RTTN: variants seen among roughly 807,000 people sequenced by gnomAD.
RTTN encodes rotatin.
In RTTN, 182 loss-of-function variants were observed where a neutral mutation model predicts 269.2. The ratio of observed to expected loss-of-function variants is 0.68; its 90% CI spans 0.60 to 0.76. RTTN has a LOEUF of 0.76. Among genes scored for constraint, RTTN ranks in the 30% least tolerant of loss-of-function variants. RTTN has a pLI of 0.00. For synonymous variants in RTTN, 1,006 were observed against 963.5 expected (o/e 1.04, Z -0.82); for missense variants, 2,545 against 2,608.6 (o/e 0.98, Z 0.53).
intron 4 of RTTN, among the ~76,000 whole-genome samples, chr18:70,201,325 G>A (rs114316361): frequency 0.047 from 7,180 of 152,188 alleles, 233 homozygotes; most frequent in Admixed American, 0.083. Context: ...ATGTTCGGCC[G>A]GGCGCGGTGG....
intron 10 of RTTN, 135 bp from the exon 11 acceptor site, chr18:70,176,980 C>T (rs1053788824): frequency 1.6e-6 from 1 of 607,972 alleles, no homozygotes; most frequent in African/African-American, 1.9e-5. Flanking sequence ...GAATTTATTC[C>T]TGTGAGAATT....
chr18:70,008,384 C>A (rs921573757), intron 46 of RTTN: 2 of 151,990 alleles, frequency 1.3e-5, no homozygotes, highest in Non-Finnish European at 2.9e-5. Flanking sequence ...AGCAAGGGAA[C>A]AAAATTGGAT....
At chr18:70,080,839 T>C (rs1017993535) in intron 32 of RTTN, among the ~76,000 whole-genome samples, 4 of 152,004 alleles carry the variant, frequency 2.6e-5, no homozygotes, top group Non-Finnish European at 5.9e-5. Context: ...CACACACATG[T>C]TTATAGCAGC....
intron 32 of RTTN, among the ~76,000 whole-genome samples, chr18:70,085,405 A>G (rs1282815302): frequency 1.3e-5 from 2 of 152,168 alleles, no homozygotes; most frequent in Non-Finnish European, 2.9e-5. Context: ...GGGCCTTGAC[A>G]ACCACCTGGA....
rs1191165412 is a variant in RTTN, at chr18:70,166,900, T to C, written c.1802+19A>G. The C allele has an allele frequency of 1.3e-6, 2 of 1,537,944 alleles. No individual in the cohort carries two copies. Among genetic ancestry groups the C allele is most frequent in the East Asian group, 4.5e-5 (2 of 44,466 alleles). The stretch of plus-strand genomic sequence containing the variant: ...AGTGTCCAATAATAACGTAATCACA[T>C]TAAGAAAGAAAATATTACATCTTTG... On this transcript the variant is annotated intron_variant, in intron 13 of 48. Coordinates refer to ENST00000640769, the MANE Select transcript of RTTN (RefSeq NM_173630.4).
At chr18:70,040,037 A>G (rs1435469468) in intron 40 of RTTN, among the ~76,000 whole-genome samples, 1 of 105,200 alleles carries the variant, frequency 9.5e-6, no homozygotes, top group African/African-American at 2.7e-5. Flanking sequence ...TCACTAAAAG[A>G]AAGACAGAAG....
chr18:70,004,637 TA>T (rs1297846345), intron 48 of RTTN, among the ~76,000 whole-genome samples: 1 of 151,584 alleles, frequency 6.6e-6, no homozygotes, highest in African/African-American at 2.4e-5. Context: ...AATCAGACTA[TA>T]AAAACACAAA....
chr18:70,178,997 A>G (rs2061362637), intron 10 of RTTN, among the ~76,000 whole-genome samples: 1 of 152,174 alleles, frequency 6.6e-6, no homozygotes, highest in African/African-American at 2.4e-5. Context: ...TGCAAAGAAT[A>G]TAACTTCTCC....
At chr18:70,078,688 C>T (rs76834549) in intron 32 of RTTN, among the ~76,000 whole-genome samples, 1 of 151,992 alleles carries the variant, frequency 6.6e-6, no homozygotes, top group Non-Finnish European at 1.5e-5. Flanking sequence ...GTAATCACAG[C>T]CCACTAAGTG....
At chr18:70,055,536 C>T (rs2057793753) in intron 37 of RTTN, among the ~76,000 whole-genome samples, 1 of 152,026 alleles carries the variant, frequency 6.6e-6, no homozygotes, top group Non-Finnish European at 1.5e-5. Flanking sequence ...TAGGTGGCTC[C>T]AGGCTTCACA....
intron 16 of RTTN, 43 bp from the exon 17 acceptor site, chr18:70,149,080 T>C (rs201026144): frequency 1.9e-6 from 3 of 1,555,072 alleles, no homozygotes; most frequent in Non-Finnish European, 2.6e-6. Flanking sequence ...TCTAATTGTA[T>C]ACATAACTTT....
intron 40 of RTTN, among the ~76,000 whole-genome samples, chr18:70,036,226 C>A (rs1276797968): frequency 1.3e-5 from 2 of 152,152 alleles, no homozygotes. Flanking sequence ...ATCATTCTAT[C>A]ATAAAGACAC....
At chr18:70,183,937 T>C (rs2061475163) in intron 10 of RTTN, among the ~76,000 whole-genome samples, 1 of 152,138 alleles carries the variant, frequency 6.6e-6, no homozygotes, top group African/African-American at 2.4e-5. Context: ...CCAGCTAATG[T>C]TACTAATTTT....
At chr18:70,193,216 T>G in intron 8 of RTTN, 72 bp downstream of exon 8, 1 of 1,128,632 alleles carries the variant, frequency 8.9e-7, no homozygotes, top group South Asian at 1.5e-5. Context: ...AATAATTATC[T>G]CCTTCTGAAA....
At chr18:70,162,011 T>C (rs1385582780) in intron 14 of RTTN, among the ~76,000 whole-genome samples, 1 of 152,078 alleles carries the variant, frequency 6.6e-6, no homozygotes, top group Non-Finnish European at 1.5e-5. Flanking sequence ...TTACTGGGTA[T>C]AGACCCAAAA....
chr18:70,080,140 T>C (rs1185689488), intron 32 of RTTN, among the ~76,000 whole-genome samples: 1 of 151,980 alleles, frequency 6.6e-6, no homozygotes, highest in East Asian at 1.9e-4. Flanking sequence ...ATAATACATA[T>C]TAATCATATC....
intron 28 of RTTN, among the ~76,000 whole-genome samples, chr18:70,101,244 C>T (rs571861352): frequency 6.6e-6 from 1 of 152,276 alleles, no homozygotes; most frequent in African/African-American, 2.4e-5. Context: ...ATTATTGCCT[C>T]AATTTCAGAG....
intron 40 of RTTN, among the ~76,000 whole-genome samples, chr18:70,037,762 T>C (rs2057218974): frequency 6.6e-6 from 1 of 152,182 alleles, no homozygotes; most frequent in Non-Finnish European, 1.5e-5. Flanking sequence ...GTCTTGCATC[T>C]TAGGTATCAG....
intron 5 of RTTN, 130 bp downstream of exon 5, chr18:70,199,284 C>G: frequency 2.1e-6 from 1 of 469,082 alleles, no homozygotes. Context: ...AAATAAAAAT[C>G]ATTTAAATAT....
Sources: gnomAD v4.1 joint callset for allele counts (sites outside exome capture counted in the v4.1 genomes callset) on GRCh38, gnomAD v4.1.1 for gene constraint, MANE v1.5 for transcripts, NCBI Gene and HGNC (gene_info 2026-07-23, HGNC 2026-07-21) for gene names.